Variants in MCHR2 observed in about 807,000 individuals in gnomAD.
MCHR2 encodes the protein melanin concentrating hormone receptor 2.
In MCHR2, 15 loss-of-function variants were observed where a neutral mutation model predicts 24.8. The observed-to-expected ratio is 0.60, with a 90% CI of 0.40 to 0.93. MCHR2 has a LOEUF of 0.93. Ranked by LOEUF, MCHR2 falls within the 40% of genes least tolerant of loss-of-function variation. MCHR2 has a pLI of 0.00. For synonymous variants in MCHR2, 151 were observed against 147.6 expected, an observed-to-expected ratio of 1.02 and a Z score of -0.17; for missense variants, 386 against 408.7, an observed-to-expected ratio of 0.94 and a Z score of 0.48.
At position 99,927,836 on chromosome 6, in the gene MCHR2, C is replaced by T. The variant is rs555870320; in HGVS notation, c.707+6562G>A. Among the ~76,000 whole-genome samples, 313 of 152,282 alleles carry T rather than the reference C, an allele frequency of 2.1e-3. 3 individuals carry two copies. Among genetic ancestry groups the T allele is most frequent in the African/African-American group, 7.3e-3 (302 of 41,562 alleles). On this transcript the variant is annotated intron_variant, in intron 5 of 5. Coordinates refer to ENST00000281806, the MANE Select transcript of MCHR2 (RefSeq NM_001040179.2). Reference sequence around the variant, plus strand: ...AATTGAATACACTTTATTTCCTTCTCCTGCATAATTGCCCTGGCCAGAACT... The same window carrying T: ...AATTGAATACACTTTATTTCCTTCTTCTGCATAATTGCCCTGGCCAGAACT...
At position 99,974,430 on chromosome 6, in the gene MCHR2, C is replaced by T. The variant is rs191892553; in HGVS notation, c.-27-18256G>A. Among the ~76,000 whole-genome samples the T allele has an allele frequency of 3.3e-5, 5 of 152,348 alleles. No individual in the cohort carries two copies. In the East Asian group the frequency reaches 7.7e-4, roughly 24 times the overall value. Reference sequence around the variant, plus strand: ...TCCATCAGCTCCTTTAAGGACTTCTCTGCATTGGTTATTCTAGTTATCCAT... The same window carrying T: ...TCCATCAGCTCCTTTAAGGACTTCTTTGCATTGGTTATTCTAGTTATCCAT... On this transcript the variant is annotated intron_variant, in intron 1 of 5. Transcript: ENST00000281806.
chr6:99,961,597 A>G (rs139256665), intron 1 of MCHR2, among the ~76,000 whole-genome samples: 123 of 152,302 alleles, frequency 8.1e-4, no homozygotes, highest in Non-Finnish European at 1.4e-3. Context: ...TCAGCAAACT[A>G]TCACAAGGAT....
At chr6:99,969,240 C>G (rs1324391738) in intron 1 of MCHR2, among the ~76,000 whole-genome samples, 1 of 152,004 alleles carries the variant, frequency 6.6e-6, no homozygotes, top group Non-Finnish European at 1.5e-5. Flanking sequence ...CTTTGGGAGG[C>G]TGAGGCGGGA....
intron 1 of MCHR2, among the ~76,000 whole-genome samples, chr6:99,963,970 G>A (rs1014346778): frequency 6.6e-6 from 1 of 152,052 alleles, no homozygotes; most frequent in Non-Finnish European, 1.5e-5. Context: ...AATGGCAAGT[G>A]ACTTCAATAG....
At chr6:99,950,260 T>A (rs1039789735) in intron 2 of MCHR2, among the ~76,000 whole-genome samples, 1 of 152,166 alleles carries the variant, frequency 6.6e-6, no homozygotes, top group Non-Finnish European at 1.5e-5. Flanking sequence ...TATTATTGTC[T>A]TCTTTACTGA....
chr6:99,961,996 A>G (rs1421125222), intron 1 of MCHR2, among the ~76,000 whole-genome samples: 2 of 152,190 alleles, frequency 1.3e-5, no homozygotes, highest in Non-Finnish European at 2.9e-5. Flanking sequence ...ATGGTATATC[A>G]CATCAAACTC....
intron 2 of MCHR2, among the ~76,000 whole-genome samples, chr6:99,948,660 G>T (rs958076489): frequency 2.4e-4 from 36 of 152,212 alleles, no homozygotes; most frequent in African/African-American, 8.2e-4. Context: ...CACTATGTTT[G>T]GGGTAATTTT....
intron 1 of MCHR2, among the ~76,000 whole-genome samples, chr6:99,972,292 G>A (rs542253568): frequency 6.6e-6 from 1 of 152,146 alleles, no homozygotes; most frequent in Admixed American, 6.5e-5. Flanking sequence ...AGTCTTGGGA[G>A]GGTGTATGTG....
intron 4 of MCHR2, among the ~76,000 whole-genome samples, chr6:99,941,407 C>A (rs1416555840): frequency 6.6e-6 from 1 of 151,918 alleles, no homozygotes; most frequent in Admixed American, 6.6e-5. Context: ...AGTCAGCTTG[C>A]TTCTATGCTG....
At chr6:99,934,370 T>C (rs757601856) in intron 5 of MCHR2, 28 bp downstream of exon 5, 2 of 1,541,034 alleles carry the variant, frequency 1.3e-6, no homozygotes, top group East Asian at 2.3e-5. Flanking sequence ...ATTGTTCTTT[T>C]AACAAATAAA....
At chr6:99,924,662 G>T (rs1774312346) in intron 5 of MCHR2, among the ~76,000 whole-genome samples, 1 of 151,952 alleles carries the variant, frequency 6.6e-6, no homozygotes, top group African/African-American at 2.4e-5. Flanking sequence ...TTGACCCACT[G>T]GTCATTCAGG....
chr6:99,993,042 T>G (rs1344428733), intron 1 of MCHR2, among the ~76,000 whole-genome samples: 1 of 152,208 alleles, frequency 6.6e-6, no homozygotes, highest in Non-Finnish European at 1.5e-5. Context: ...TGAGCTAAGT[T>G]CTATGAAATT....
In MCHR2 at chr6:99,943,021, G is replaced by A. The variant is rs145638548; in HGVS notation, c.515C>T (p.Ser172Leu). Residue 172 changes from serine to leucine, a missense_variant, in exon 4 of 6, where the codon TCG becomes TTG. By Grantham distance (145) the Ser-to-Leu change is moderately radical. Coordinates refer to ENST00000281806, the MANE Select transcript of MCHR2 (RefSeq NM_001040179.2). Reference sequence around the variant, plus strand: ...ACCGTCTTTAAATTTGATGACCTTCGAGTAGACCCAGACAGGCAATGCCAG... The same window carrying A: ...ACCGTCTTTAAATTTGATGACCTTCAAGTAGACCCAGACAGGCAATGCCAG... The part of the protein sequence containing the change: ...FILALPVWVY[S>L]KVIKFKDGVE... The A allele has an allele frequency of 3.5e-5, 56 of 1,612,942 alleles. No homozygotes were observed. Among genetic ancestry groups the A allele is most frequent in the African/African-American group, 4.0e-5 (3 of 74,954 alleles).
At chr6:99,932,799 T>A (rs1223061258) in intron 5 of MCHR2, among the ~76,000 whole-genome samples, 1 of 152,120 alleles carries the variant, frequency 6.6e-6, no homozygotes, top group African/African-American at 2.4e-5. Context: ...CTAAATCCAA[T>A]GTGCTATTCT....
chr6:99,962,521 A>G (rs1285844342), intron 1 of MCHR2, among the ~76,000 whole-genome samples: 1 of 152,116 alleles, frequency 6.6e-6, no homozygotes, highest in Non-Finnish European at 1.5e-5. Flanking sequence ...TCAACAAATG[A>G]TGTCGAAAAA....
chr6:99,986,847 A>G (rs894320070), intron 1 of MCHR2, among the ~76,000 whole-genome samples: 3 of 150,414 alleles, frequency 2.0e-5, no homozygotes, highest in African/African-American at 7.3e-5. Context: ...CCCTAAGTAT[A>G]TAATATATAT....
intron 1 of MCHR2, among the ~76,000 whole-genome samples, chr6:99,970,332 G>C (rs1775381217): frequency 6.6e-6 from 1 of 152,100 alleles, no homozygotes; most frequent in African/African-American, 2.4e-5. Flanking sequence ...ATTTTTTCAT[G>C]TGTTTTTTGG....
Position 99,935,027 on chromosome 6 carries a change from TG to T in MCHR2, c.588-511del, listed in dbSNP as rs535385091. On this transcript the variant is annotated intron_variant, in intron 4 of 5. Coordinates refer to ENST00000281806, the MANE Select transcript of MCHR2 (RefSeq NM_001040179.2). ...TTGAACCCAGGATAGCCAATGATGGTGGGAGAAGTAATGAATAAACAATATT... is the reference window on the plus strand; with the variant it reads ...TTGAACCCAGGATAGCCAATGATGGTGGAGAAGTAATGAATAAACAATATT... Among the ~76,000 whole-genome samples, 21 of 152,012 alleles carry T rather than the reference TG, an allele frequency of 1.4e-4. No individual in the cohort carries two copies. In the South Asian group the frequency reaches 4.4e-3, roughly 32 times the overall value.
rs1421462753 is a variant in MCHR2 at position 99,943,070 on chromosome 6, C to G, written c.466G>C (p.Gly156Arg). Residue 156 changes from glycine (G) to arginine (R), a missense_variant, in exon 4 of 6, where the codon GGC becomes CGC. Physicochemically the swap from Gly to Arg is moderately radical, Grantham distance 125 (BLOSUM62 -2). Transcript: ENST00000281806. ...TRYKTIRINL[G>R]LWAASFILAL... is the part of the protein sequence containing the mutation. ...AGGATAAAGGAAGCTGCCCAAAGGC[C>G]CAAATTGATCCGGATGGTCTTGTAC... The G allele has an allele frequency of 6.2e-7, 1 of 1,613,082 alleles. No homozygotes were observed. Among genetic ancestry groups the G allele is most frequent in the African/African-American group, 1.3e-5 (1 of 74,818 alleles).
Sources: gnomAD v4.1 joint callset for allele counts (sites outside exome capture counted in the v4.1 genomes callset) on GRCh38, gnomAD v4.1.1 for gene constraint, MANE v1.5 for transcripts, NCBI Gene and HGNC (gene_info 2026-07-23, HGNC 2026-07-21) for gene names.